The following ARFGEF1 variants were observed in gnomAD, a reference collection of about 807,000 sequenced individuals.
ARFGEF1 encodes the protein brefeldin A-inhibited guanine nucleotide-exchange protein 1.
A neutral mutation model predicts 231.0 loss-of-function variants in ARFGEF1; 42 were observed. The ratio of observed to expected loss-of-function variants is 0.18; its 90% CI spans 0.14 to 0.24. The LOEUF is 0.24. Ranked by LOEUF, ARFGEF1 falls within the 10% of genes least tolerant of loss-of-function variation. The probability of loss-of-function intolerance (pLI) is 1.00; values close to 1 mark genes in which losing one functional copy is unlikely to be tolerated. For missense variants in ARFGEF1, 1,345 were observed against 2,192.0 expected, an observed-to-expected ratio of 0.61 and a Z score of 7.72; for synonymous variants, 710 against 732.3, an observed-to-expected ratio of 0.97 and a Z score of 0.49.
intron 5 of ARFGEF1, among the ~76,000 whole-genome samples, chr8:67,180,410 A>G (rs1832731330): frequency 6.6e-6 from 1 of 152,212 alleles, no homozygotes; most frequent in Non-Finnish European, 1.5e-5. Context: ...TTGAGAACAG[A>G]TTAGTGGTTG....
chr8:67,187,592 G>A (rs980336108), intron 5 of ARFGEF1, among the ~76,000 whole-genome samples: 2 of 152,088 alleles, frequency 1.3e-5, no homozygotes, highest in Non-Finnish European at 2.9e-5. Flanking sequence ...GCTGAGGTGG[G>A]AGGATTACTT....
intron 6 of ARFGEF1, among the ~76,000 whole-genome samples, chr8:67,288,988 A>G (rs150343186): frequency 6.6e-6 from 1 of 152,310 alleles, no homozygotes; most frequent in Non-Finnish European, 1.5e-5. Flanking sequence ...CCAACAACAG[A>G]TAACTGCCAA....
intron 3 of ARFGEF1, among the ~76,000 whole-genome samples, chr8:67,300,879 GAA>G (rs1806456262): frequency 6.6e-6 from 1 of 151,178 alleles, no homozygotes; most frequent in South Asian, 2.1e-4. Context: ...CAGACACTTA[GAA>G]AAATTATTTG....
At chr8:67,330,395 T>C (rs2128933040) in intron 1 of ARFGEF1, among the ~76,000 whole-genome samples, 1 of 152,254 alleles carries the variant, frequency 6.6e-6, no homozygotes, top group South Asian at 2.1e-4. Context: ...AGGAATCTTC[T>C]ATAACAGTCA....
chr8:67,176,616 A>G (rs540967386), intron 5 of ARFGEF1, among the ~76,000 whole-genome samples: 5 of 152,286 alleles, frequency 3.3e-5, no homozygotes, highest in African/African-American at 1.2e-4. Context: ...TTTAGTCTCA[A>G]AATGAAGATC....
chr8:67,210,563 G>A (rs1011308123), intron 34 of ARFGEF1, among the ~76,000 whole-genome samples: 2 of 152,144 alleles, frequency 1.3e-5, no homozygotes, highest in African/African-American at 4.8e-5. Context: ...TTGCAGATGG[G>A]TAGAGGAAGG....
rs1361092831 is a variant in ARFGEF1 at position 67,302,481 on chromosome 8, AAAG to A, written c.125-18_125-16del. On this transcript the variant is annotated splice_polypyrimidine_tract_variant and intron_variant, in intron 1 of 38. Coordinates refer to ENST00000262215, the MANE Select transcript of ARFGEF1 (RefSeq NM_006421.5). ...TTTTATTTCCTCTGAGGGGAAAAAA[AAAG>A]AAGCATACATTAGAAAACTGGACAG... 2 of 1,555,830 alleles carry A rather than the reference AAAG, an allele frequency of 1.3e-6. No individual in the cohort carries two copies. The highest frequency in any genetic ancestry group is 1.7e-6 in the Non-Finnish European group (2 of 1,154,824).
At position 67,277,272 on chromosome 8, in the gene ARFGEF1, C is replaced by T; in HGVS notation, c.1203+10G>A. Reference sequence around the variant, plus strand: ...AGGATTTCTCCCCCTCCCCACCCCTCCATTTATACCTGAGTATCATTGGAA... The same window carrying T: ...AGGATTTCTCCCCCTCCCCACCCCTTCATTTATACCTGAGTATCATTGGAA... On this transcript the variant is annotated intron_variant, in intron 8 of 38. Transcript: ENST00000262215. 6.2e-7 allele frequency: 1 copy of T among 1,611,892 alleles called. No homozygotes were observed. The highest frequency in any genetic ancestry group is 8.5e-7 in the Non-Finnish European group (1 of 1,178,786).
chr8:67,274,454 AC>A (rs1451393253), intron 9 of ARFGEF1, among the ~76,000 whole-genome samples: 22 of 152,122 alleles, frequency 1.4e-4, no homozygotes, highest in African/African-American at 4.8e-4. Flanking sequence ...AGGTCTTCAA[AC>A]AAAATTTCCT....
At chr8:67,332,967 A>C (rs7830183) in intron 1 of ARFGEF1, among the ~76,000 whole-genome samples, 51,179 of 151,974 alleles carry the variant, frequency 0.34, 8,997 homozygotes, top group African/African-American at 0.43. Flanking sequence ...TGGCACGGAA[A>C]CTGGCATACA....
At chr8:67,193,411 T>C, downstream of ARFGEF1, 1 of 1,544,344 alleles carries the variant, frequency 6.5e-7, no homozygotes, top group Non-Finnish European at 8.9e-7. Context: ...TTCACTGATT[T>C]GTGAACATAT....
Position 67,198,629 on chromosome 8 carries a change from C to A in ARFGEF1, c.*305G>T. 9.2e-7 allele frequency: 1 copy of A among 1,090,984 alleles called. No individual in the cohort carries two copies. The highest frequency in any genetic ancestry group is 1.1e-6 in the Non-Finnish European group (1 of 897,994). The allele number at this position is 1,090,984 out of a possible 1,614,324, so 67.6% of individuals were successfully genotyped here. A position where few individuals can be genotyped will look rare whatever the true frequency, so the allele number is the denominator to read the frequency against. On this transcript the variant is annotated 3_prime_UTR_variant, in exon 39 of 39. Coordinates refer to ENST00000262215, the MANE Select transcript of ARFGEF1 (RefSeq NM_006421.5). ...CATCTATAGTTCTTTGGGTAAGTTT[C>A]ACTTCCACACCTGCCAAAAACGTGG...
intron 17 of ARFGEF1, among the ~76,000 whole-genome samples, chr8:67,256,427 T>C (rs1202433645): frequency 6.6e-6 from 1 of 152,190 alleles, no homozygotes; most frequent in African/African-American, 2.4e-5. Flanking sequence ...TATATATTCT[T>C]ACTTTAGGTT....
chr8:67,216,808 A>T (rs1445861357), intron 32 of ARFGEF1, 146 bp from the exon 33 acceptor site: 6 of 502,150 alleles, frequency 1.2e-5, no homozygotes, highest in African/African-American at 1.0e-4. Context: ...GCAATTTCCT[A>T]AAAAACATCT....
chr8:67,217,708 C>G (rs1174372084), intron 32 of ARFGEF1, 74 bp downstream of exon 32: 1 of 1,489,994 alleles, frequency 6.7e-7, no homozygotes, highest in East Asian at 2.3e-5. Context: ...CACTATCAAA[C>G]TTTTAATCAC....
intron 19 of ARFGEF1, among the ~76,000 whole-genome samples, chr8:67,247,850 T>C (rs949885598): frequency 6.6e-6 from 1 of 150,454 alleles, no homozygotes; most frequent in South Asian, 2.1e-4. Flanking sequence ...AACTGATAAA[T>C]TCAGTAAAGC....
intron 1 of ARFGEF1, among the ~76,000 whole-genome samples, chr8:67,327,445 G>T (rs1007243024): frequency 6.6e-6 from 1 of 151,168 alleles, no homozygotes; most frequent in African/African-American, 2.4e-5. Context: ...AGCCACCCAA[G>T]TAGCTGGGAT....
At chr8:67,293,403 A>C (rs1806093420) in intron 5 of ARFGEF1, among the ~76,000 whole-genome samples, 1 of 152,174 alleles carries the variant, frequency 6.6e-6, no homozygotes, top group African/African-American at 2.4e-5. Context: ...TAATCAAATC[A>C]AACCAATAAA....
rs1049003506 is a variant in ARFGEF1, at chr8:67,268,820, T to C, written c.1573-1378A>G. Among the ~76,000 whole-genome samples the C allele has an allele frequency of 5.9e-5, 9 of 152,234 alleles. No homozygotes were observed. The East Asian group carries it at 1.7e-3, about 29-fold the overall frequency. On this transcript the variant is annotated intron_variant, in intron 10 of 38. Coordinates refer to ENST00000262215, the MANE Select transcript of ARFGEF1 (RefSeq NM_006421.5). Reference sequence around the variant, plus strand: ...TGAAGACAAATATCCATTAAGTTGTTTGGCCCTGCCTGCTTAATAAATAGA... The same window carrying C: ...TGAAGACAAATATCCATTAAGTTGTCTGGCCCTGCCTGCTTAATAAATAGA...
Sources: gnomAD v4.1 joint callset for allele counts (sites outside exome capture counted in the v4.1 genomes callset) on GRCh38, gnomAD v4.1.1 for gene constraint, MANE v1.5 for transcripts, NCBI Gene and HGNC (gene_info 2026-07-23, HGNC 2026-07-21) for gene names.